CPD: variants seen among roughly 807,000 people sequenced by gnomAD.
CPD encodes metallocarboxypeptidase D.
CPD carries 69 observed loss-of-function variants against 138.3 expected under a neutral mutation model. That is an observed-to-expected ratio of 0.50 (90% CI 0.41 to 0.61). The LOEUF is 0.61. Among genes scored for constraint, CPD ranks in the 20% least tolerant of loss-of-function variants. The pLI, the probability that CPD is intolerant of heterozygous loss-of-function variation, is 0.00. For synonymous variants in CPD, 651 were observed against 642.1 expected, an observed-to-expected ratio of 1.01 and a Z score of -0.21; for missense variants, 1,432 against 1,733.3, an observed-to-expected ratio of 0.83 and a Z score of 3.09.
At chr17:30,439,414 T>C (rs1177196612) in intron 9 of CPD, among the ~76,000 whole-genome samples, 1 of 149,918 alleles carries the variant, frequency 6.7e-6, no homozygotes, top group Non-Finnish European at 1.5e-5. Context: ...TTTTCTTTTC[T>C]TTTTTTATTA....
intron 10 of CPD, among the ~76,000 whole-genome samples, chr17:30,443,046 A>T (rs374056621): frequency 3.9e-5 from 6 of 152,062 alleles, no homozygotes; most frequent in Non-Finnish European, 8.8e-5. Context: ...ATTCTGAAAA[A>T]TTTTAAATAT....
At position 30,379,608 on chromosome 17, in the gene CPD, A is replaced by G; in HGVS notation, c.628A>G (p.Asn210Asp). 6.9e-7 allele frequency: 1 copy of G among 1,458,380 alleles called. No homozygotes were observed. Among genetic ancestry groups the G allele is most frequent in the Non-Finnish European group, 9.0e-7 (1 of 1,117,042 alleles). 90.3% of individuals were successfully genotyped at this position (1,458,380 alleles called of 1,614,324 possible). A position where few individuals can be genotyped will look rare whatever the true frequency, so the allele number is the denominator to read the frequency against. Residue 210 changes from asparagine to aspartate, a missense_variant, in exon 1 of 21, where the codon AAT becomes GAT. By Grantham distance (23) the Asn-to-Asp change is conservative. Transcript: ENST00000225719. This position sits in a 1 kb window ranked among gnomAD's most constrained non-coding sequence, Gnocchi z 7.0. ...CCCGTCCGGGGCCAGCGGCCGCGAC[A>G]ATAGTCGCGGCCGCGACCTCAACCG... Reference protein sequence around the residue: ...GGPSGASGRDNSRGRDLNRSF... With the variant: ...GGPSGASGRDDSRGRDLNRSF...
intron 8 of CPD, among the ~76,000 whole-genome samples, chr17:30,437,670 A>G (rs1002871674): frequency 1.7e-4 from 26 of 152,136 alleles, no homozygotes; most frequent in Admixed American, 1.3e-3. Context: ...CTGGGTGACA[A>G]ACAAGACCCA....
intron 2 of CPD, among the ~76,000 whole-genome samples, chr17:30,416,149 G>A (rs1912101902): frequency 6.6e-6 from 1 of 152,098 alleles, no homozygotes; most frequent in Non-Finnish European, 1.5e-5. Flanking sequence ...CCTCAACATG[G>A]GGAAACCCTG....
At position 30,459,376 on chromosome 17, in the gene CPD, C is replaced by G. The variant is rs544327219; in HGVS notation, c.3499-1804C>G. On this transcript the variant is annotated intron_variant, in intron 17 of 20. Coordinates refer to ENST00000225719, the MANE Select transcript of CPD (RefSeq NM_001304.5). ...GTATATCTCCTAATGCTATCCCTCC[C>G]CCGACCCCACAACAGGCCCTGGTGT... Among the ~76,000 whole-genome samples the G allele has an allele frequency of 8.0e-5, 12 of 150,418 alleles. 1 individual carries two copies. In the East Asian group the frequency reaches 2.3e-3, roughly 29 times the overall value.
At chr17:30,440,549 CG>C (rs1236828317) in intron 9 of CPD, among the ~76,000 whole-genome samples, 1 of 148,428 alleles carries the variant, frequency 6.7e-6, no homozygotes, top group Non-Finnish European at 1.5e-5. Flanking sequence ...TTAGGTCTAA[CG>C]TTTAAATCTT....
Position 30,391,340 on chromosome 17 carries a change from C to T in CPD, c.994+6104C>T, listed in dbSNP as rs543662477. Among the ~76,000 whole-genome samples the T allele has an allele frequency of 2.0e-5, 3 of 152,106 alleles. No individual in the cohort carries two copies. The East Asian group carries it at 5.8e-4, about 29-fold the overall frequency. The stretch of plus-strand genomic sequence containing the variant: ...CTTGTAGTCGCAGATACTTGGGAGG[C>T]CAAGGCGGGAGGATCTTGAGTTCAA... On this transcript the variant is annotated intron_variant, in intron 2 of 20. Transcript: ENST00000225719.
intron 20 of CPD, among the ~76,000 whole-genome samples, chr17:30,463,185 C>T (rs911816614): frequency 6.6e-6 from 1 of 152,230 alleles, no homozygotes; most frequent in Non-Finnish European, 1.5e-5. Context: ...CAGGTCTATA[C>T]TCAAACGTCA....
In CPD at chr17:30,466,904, A is replaced by G. The variant is rs1029292661; in HGVS notation, c.*2090A>G. On this transcript the variant is annotated 3_prime_UTR_variant, in exon 21 of 21. Transcript: ENST00000225719. ...ACATACACATAGTTATTTTAGTAAT[A>G]TTTCCTGAAAGAAAAACCAAATTCT... The G allele has an allele frequency of 1.3e-5, 2 of 152,376 alleles. No individual in the cohort carries two copies. Among genetic ancestry groups the G allele is most frequent in the Non-Finnish European group, 2.9e-5 (2 of 68,006 alleles). 9.4% of individuals were successfully genotyped at this position (152,376 alleles called of 1,614,324 possible). A position where few individuals can be genotyped will look rare whatever the true frequency, so the allele number is the denominator to read the frequency against.
At chr17:30,397,713 G>C (rs1451020666) in intron 2 of CPD, among the ~76,000 whole-genome samples, 1 of 143,108 alleles carries the variant, frequency 7.0e-6, no homozygotes, top group African/African-American at 2.6e-5. Context: ...CTGCAGCTTG[G>C]GTGACAGAGC....
At chr17:30,442,535 T>C (rs1272770465) in intron 10 of CPD, 85 bp downstream of exon 10, 6 of 1,254,188 alleles carry the variant, frequency 4.8e-6, no homozygotes, top group Non-Finnish European at 5.6e-6. Flanking sequence ...GCAGTGATTT[T>C]GGAATACACT....
chr17:30,425,039 G>T (rs1912367374), intron 6 of CPD, among the ~76,000 whole-genome samples: 2 of 152,184 alleles, frequency 1.3e-5, no homozygotes, highest in Middle Eastern at 3.4e-3. Context: ...CTTTGTCAGT[G>T]CCACAAGTCC....
At chr17:30,422,565 T>C (rs1429007065) in intron 4 of CPD, 109 bp from the exon 5 acceptor site, 2 of 683,514 alleles carry the variant, frequency 2.9e-6, no homozygotes, top group Non-Finnish European at 4.8e-6. Flanking sequence ...GTTTGAGTTT[T>C]GATAGATCGC....
chr17:30,380,983 A>T (rs1256496669), intron 1 of CPD, among the ~76,000 whole-genome samples: 3 of 152,224 alleles, frequency 2.0e-5, no homozygotes, highest in African/African-American at 7.2e-5. Flanking sequence ...TCCCTGCGGG[A>T]CTTGGAATCA....
chr17:30,419,404 A>G (rs1912205088), intron 2 of CPD, among the ~76,000 whole-genome samples: 1 of 152,190 alleles, frequency 6.6e-6, no homozygotes, highest in Non-Finnish European at 1.5e-5. Context: ...CAGTGGCACT[A>G]TCTCTGCTAA....
intron 2 of CPD, among the ~76,000 whole-genome samples, chr17:30,406,848 G>A (rs1412641776): frequency 1.3e-5 from 2 of 152,030 alleles, no homozygotes; most frequent in Non-Finnish European, 2.9e-5. Flanking sequence ...AAGTTCTAGG[G>A]TACATGTGCA....
chr17:30,449,620 G>A lies in CPD; in HGVS notation c.2941G>A (p.Glu981Lys). Reference sequence around the variant, plus strand: ...AATCTCCAATAAGCCCAATGTATCTGAGCCTGAAGAACCAAAGATTCGTTT... The same window carrying A: ...AATCTCCAATAAGCCCAATGTATCTAAGCCTGAAGAACCAAAGATTCGTTT... Reference protein sequence around the residue: ...LEISNKPNVSEPEEPKIRFVA... With the variant: ...LEISNKPNVSKPEEPKIRFVA... Residue 981 changes from glutamate to lysine, a missense_variant, in exon 13 of 21, where the codon GAG becomes AAG. Glu to Lys is a moderately conservative substitution (Grantham distance 56, BLOSUM62 1). This residue lies in a region of CPD where 366 missense variants were observed against 518.8 expected (regional missense o/e 0.71). Transcript: ENST00000225719. 6.2e-7 allele frequency: 1 copy of A among 1,611,294 alleles called. No individual in the cohort carries two copies. The highest frequency in any genetic ancestry group is 8.5e-7 in the Non-Finnish European group (1 of 1,179,430).
intron 2 of CPD, among the ~76,000 whole-genome samples, chr17:30,413,314 A>C (rs1352467917): frequency 1.3e-5 from 2 of 152,230 alleles, no homozygotes; most frequent in Non-Finnish European, 2.9e-5. Flanking sequence ...ATAATGACTA[A>C]ATATGGCTTG....
At chr17:30,453,452 G>T (rs1403637743) in intron 14 of CPD, among the ~76,000 whole-genome samples, 6 of 152,224 alleles carry the variant, frequency 3.9e-5, no homozygotes, top group Non-Finnish European at 7.3e-5. Flanking sequence ...TCATGCTGAT[G>T]CAAGAAGTGG....
Sources: gnomAD v4.1 joint callset for allele counts (sites outside exome capture counted in the v4.1 genomes callset) on GRCh38, gnomAD v4.1.1 for gene constraint, gnomAD v4.1.1 regional missense constraint, Gnocchi (gnomAD v3.1) non-coding constraint, MANE v1.5 for transcripts, NCBI Gene and HGNC (gene_info 2026-07-23, HGNC 2026-07-21) for gene names.